Variants in DHX57 observed in about 807,000 individuals in gnomAD.
DHX57 encodes the protein putative ATP-dependent RNA helicase DHX57.
In DHX57, 105 loss-of-function variants were observed where a neutral mutation model predicts 156.2. The observed-to-expected ratio is 0.67, with a 90% confidence interval of 0.57 to 0.79. The LOEUF is 0.79. DHX57 is among the 30% of genes least tolerant of loss of function. The pLI, the probability that DHX57 is intolerant of heterozygous loss-of-function variation, is 0.00. For synonymous variants in DHX57, 704 were observed against 595.6 expected (o/e 1.18, Z -2.65); for missense variants, 1,847 against 1,661.9 (o/e 1.11, Z -1.94).
chr2:38,842,136 T>C (rs927637326), intron 12 of DHX57, among the ~76,000 whole-genome samples: 5 of 152,186 alleles, frequency 3.3e-5, no homozygotes, highest in Admixed American at 6.5e-5. Flanking sequence ...ATATGATGCA[T>C]TGAGAAATCA....
chr2:38,810,507 G>A, intron 21 of DHX57: 1 of 556,858 alleles, frequency 1.8e-6, no homozygotes, highest in Non-Finnish European at 3.5e-6. Context: ...GATGAGACTG[G>A]TGTCACCGAC....
At chr2:38,852,690 C>G (rs956340060) in intron 9 of DHX57, among the ~76,000 whole-genome samples, 5 of 151,232 alleles carry the variant, frequency 3.3e-5, no homozygotes, top group Non-Finnish European at 1.5e-5. Context: ...TCATAGCACA[C>G]CACAGCCTTG....
At chr2:38,849,339 C>T (rs1314533011) in intron 9 of DHX57, among the ~76,000 whole-genome samples, 1 of 152,152 alleles carries the variant, frequency 6.6e-6, no homozygotes, top group Non-Finnish European at 1.5e-5. Context: ...AATAACACCA[C>T]CCTAATTGGT....
chr2:38,840,727 G>T (rs1671950502), intron 12 of DHX57, among the ~76,000 whole-genome samples: 1 of 152,108 alleles, frequency 6.6e-6, no homozygotes, highest in Non-Finnish European at 1.5e-5. Flanking sequence ...GGTACTTTCT[G>T]AACTTTAGTA....
intron 9 of DHX57, among the ~76,000 whole-genome samples, chr2:38,849,517 A>G (rs553441048): frequency 4.3e-4 from 64 of 149,890 alleles, no homozygotes; most frequent in African/African-American, 1.5e-3. Flanking sequence ...TTCAAGACCA[A>G]CCTAGCCGAT....
At chr2:38,833,915 T>A (rs1671514088) in intron 13 of DHX57, among the ~76,000 whole-genome samples, 1 of 152,164 alleles carries the variant, frequency 6.6e-6, no homozygotes, top group African/African-American at 2.4e-5. Context: ...ATTATTTATA[T>A]CATAAAATAC....
intron 21 of DHX57, among the ~76,000 whole-genome samples, chr2:38,809,475 T>A (rs2148537591): frequency 6.6e-6 from 1 of 151,778 alleles, no homozygotes; most frequent in South Asian, 2.1e-4. Context: ...TTTTCTTTTT[T>A]TTTTTAGACG....
chr2:38,853,552 C>T (rs1388517721), intron 9 of DHX57: 2 of 152,220 alleles, frequency 1.3e-5, no homozygotes, highest in Non-Finnish European at 2.9e-5. Flanking sequence ...CAATCATTTG[C>T]TTGTTTACTT....
chr2:38,840,804 A>C (rs1026662008), intron 12 of DHX57, among the ~76,000 whole-genome samples: 10 of 151,970 alleles, frequency 6.6e-5, no homozygotes, highest in African/African-American at 1.9e-4. Context: ...AAAACTCCAA[A>C]ATTTTGAAAG....
At chr2:38,873,858 G>A (rs1665467123) in intron 1 of DHX57, among the ~76,000 whole-genome samples, 1 of 152,140 alleles carries the variant, frequency 6.6e-6, no homozygotes, top group Admixed American at 6.5e-5. Context: ...TTTAGATAGA[G>A]TGGTTGGGTA....
intron 12 of DHX57, chr2:38,838,821 C>T (rs1239458399): frequency 2.2e-6 from 1 of 455,732 alleles, no homozygotes; most frequent in African/African-American, 2.0e-5. Context: ...CCCACGGAGT[C>T]TACTCATAGA....
At chr2:38,836,021 GGAA>G (rs1415956185) in intron 13 of DHX57, among the ~76,000 whole-genome samples, 1 of 152,154 alleles carries the variant, frequency 6.6e-6, no homozygotes. Flanking sequence ...CAGACAATGA[GGAA>G]GAAGATGTAA....
intron 21 of DHX57, among the ~76,000 whole-genome samples, chr2:38,812,959 C>T (rs6707855): frequency 0.92 from 139,970 of 151,846 alleles, 65,336 homozygotes; most frequent in East Asian, 0.99. Context: ...GCAATTCTCC[C>T]GCCTCAGCCT....
At chr2:38,812,979 C>G (rs977050153) in intron 21 of DHX57, among the ~76,000 whole-genome samples, 1 of 151,924 alleles carries the variant, frequency 6.6e-6, no homozygotes, top group African/African-American at 2.4e-5. Flanking sequence ...TCCTGAGTAG[C>G]TGGGATTACA....
intron 5 of DHX57, among the ~76,000 whole-genome samples, chr2:38,859,961 A>G (rs1673104618): frequency 6.6e-6 from 1 of 151,956 alleles, no homozygotes; most frequent in Non-Finnish European, 1.5e-5. Flanking sequence ...AGAGGAGTGC[A>G]CAACCATGGC....
chr2:38,859,500 T>C (rs974883780), intron 5 of DHX57, among the ~76,000 whole-genome samples: 1 of 152,178 alleles, frequency 6.6e-6, no homozygotes, highest in African/African-American at 2.4e-5. Flanking sequence ...CTAAAAACCA[T>C]TGAATTGTGT....
intron 8 of DHX57, chr2:38,854,631 G>A (rs960768055): frequency 4.9e-5 from 8 of 162,942 alleles, no homozygotes; most frequent in East Asian, 1.7e-4. Context: ...GCGCAATCTC[G>A]GCTCATTGCA....
At chr2:38,875,167 T>G (rs1447457413) in intron 1 of DHX57, among the ~76,000 whole-genome samples, 1 of 152,230 alleles carries the variant, frequency 6.6e-6, no homozygotes, top group Non-Finnish European at 1.5e-5. Context: ...TTCAAGGGAA[T>G]AGGAATTAGG....
intron 20 of DHX57, 76 bp downstream of exon 20, chr2:38,815,445 C>A: frequency 6.3e-7 from 1 of 1,582,900 alleles, no homozygotes; most frequent in Non-Finnish European, 8.6e-7. Flanking sequence ...AGAAGAATGT[C>A]TACAAGTGTT....
Sources: allele counts gnomAD v4.1 joint callset (sites outside exome capture counted in the v4.1 genomes callset), GRCh38; gene constraint gnomAD v4.1.1; transcripts MANE v1.5; gene names NCBI Gene and HGNC (gene_info 2026-07-23, HGNC 2026-07-21).